Variants in PRORP observed in about 807,000 individuals in gnomAD.
PRORP encodes the protein mitochondrial ribonuclease P catalytic subunit.
A neutral mutation model predicts 59.4 loss-of-function variants in PRORP; 51 were observed. The ratio of observed to expected loss-of-function variants is 0.86; its 90% CI spans 0.69 to 1.08. PRORP has a LOEUF of 1.08. PRORP is among the 50% of genes least tolerant of loss of function. The probability of loss-of-function intolerance (pLI) is 0.00; values close to 1 mark genes in which losing one functional copy is unlikely to be tolerated. For missense variants in PRORP, 646 were observed against 690.3 expected, an observed-to-expected ratio of 0.94 and a Z score of 0.72; for synonymous variants, 231 against 245.6, an observed-to-expected ratio of 0.94 and a Z score of 0.55.
At chr14:35,230,938 A>AACACAC (rs60270535) in intron 5 of PRORP, among the ~76,000 whole-genome samples, 11,057 of 144,456 alleles carry the variant, frequency 0.077, 449 homozygotes, top group East Asian at 0.16. Context: ...AGGAAAAGAG[A>AACACAC]ACACACACAC....
chr14:35,183,936 A>G (rs184939611), intron 5 of PRORP, among the ~76,000 whole-genome samples: 2 of 152,268 alleles, frequency 1.3e-5, no homozygotes, highest in East Asian at 3.9e-4. Flanking sequence ...TCTTAATACA[A>G]TTACCTATAA....
At chr14:35,133,361 A>AT (rs57914487) in intron 4 of PRORP, among the ~76,000 whole-genome samples, 22,771 of 151,360 alleles carry the variant, frequency 0.15, 1,896 homozygotes, top group African/African-American at 0.22. Flanking sequence ...ATTCTTTTTA[A>AT]TTTTTTTTCA....
At chr14:35,273,296 G>T in intron 7 of PRORP, 139 bp from the exon 8 acceptor site, 6 of 791,330 alleles carry the variant, frequency 7.6e-6, no homozygotes, top group Non-Finnish European at 1.1e-5. Context: ...GTTTGCTGCT[G>T]TTTGAAAATC....
intron 5 of PRORP, among the ~76,000 whole-genome samples, chr14:35,191,494 G>C (rs1166030152): frequency 6.6e-6 from 1 of 152,100 alleles, no homozygotes; most frequent in African/African-American, 2.4e-5. Flanking sequence ...TTGAGCCCAG[G>C]AGTACGAGAC....
intron 5 of PRORP, among the ~76,000 whole-genome samples, chr14:35,221,911 A>G (rs1032020840): frequency 2.6e-5 from 4 of 152,154 alleles, no homozygotes; most frequent in Admixed American, 1.3e-4. Context: ...GTATCTGAGG[A>G]CAAAATTTAT....
intron 4 of PRORP, among the ~76,000 whole-genome samples, chr14:35,168,450 A>AT (rs2048237809): frequency 3.9e-5 from 6 of 152,150 alleles, no homozygotes; most frequent in Non-Finnish European, 5.9e-5. Context: ...TTGCTAGTTG[A>AT]TACTCAGGTT....
intron 7 of PRORP, among the ~76,000 whole-genome samples, chr14:35,272,368 T>C (rs1213601343): frequency 6.6e-6 from 1 of 152,146 alleles, no homozygotes; most frequent in Admixed American, 6.6e-5. Context: ...ATCCCAGCAC[T>C]TTGGGAGGCC....
chr14:35,183,975 G>A (rs929763583), intron 5 of PRORP, among the ~76,000 whole-genome samples: 2 of 152,208 alleles, frequency 1.3e-5, no homozygotes, highest in African/African-American at 2.4e-5. Flanking sequence ...TTAGGAATTC[G>A]AAGTTCTATA....
chr14:35,213,757 C>T (rs754710516), intron 5 of PRORP, among the ~76,000 whole-genome samples: 1 of 152,136 alleles, frequency 6.6e-6, no homozygotes, highest in Non-Finnish European at 1.5e-5. Context: ...CTCCATCTTA[C>T]GTGAGTGTGG....
intron 5 of PRORP, among the ~76,000 whole-genome samples, chr14:35,198,254 A>G (rs2049055904): frequency 6.6e-6 from 1 of 152,254 alleles, no homozygotes; most frequent in Non-Finnish European, 1.5e-5. Flanking sequence ...CATTATTCCT[A>G]ATATTGAAAC....
chr14:35,154,700 CAAA>C (rs138725314), intron 4 of PRORP, among the ~76,000 whole-genome samples: 5 of 124,872 alleles, frequency 4.0e-5, no homozygotes, highest in African/African-American at 5.7e-5. Context: ...AATGAATTGC[CAAA>C]AAAAAAAAAA....
chr14:35,137,771 G>A lies in PRORP; in HGVS notation c.1167+10160G>A, dbSNP rs2047405667. On this transcript the variant is annotated intron_variant, in intron 4 of 7. Coordinates refer to ENST00000534898, the MANE Select transcript of PRORP (RefSeq NM_014672.4). Reference sequence around the variant, plus strand: ...TGTTGGTTAGATGTGGCACATGATAGAGAGCAAGAGAAGGCGATTCTGACA... The same window carrying A: ...TGTTGGTTAGATGTGGCACATGATAAAGAGCAAGAGAAGGCGATTCTGACA... 1.4e-5 allele frequency among the ~76,000 whole-genome samples: 2 copies of A among 145,256 alleles called. 1 individual carries two copies. Among genetic ancestry groups the A allele is most frequent in the African/African-American group, 4.9e-5 (2 of 40,924 alleles).
chr14:35,220,970 G>T (rs544540026), intron 5 of PRORP, among the ~76,000 whole-genome samples: 1 of 152,318 alleles, frequency 6.6e-6, no homozygotes, highest in African/African-American at 2.4e-5. Context: ...TCCTAAGCCA[G>T]TGTTAAAGAC....
At chr14:35,246,808 C>A (rs1337593911) in intron 5 of PRORP, among the ~76,000 whole-genome samples, 1 of 152,160 alleles carries the variant, frequency 6.6e-6, no homozygotes, top group African/African-American at 2.4e-5. Context: ...AAAAGAAACT[C>A]TTTTTTCTCT....
intron 5 of PRORP, among the ~76,000 whole-genome samples, chr14:35,189,132 C>A (rs1195044636): frequency 6.6e-6 from 1 of 152,054 alleles, no homozygotes; most frequent in Non-Finnish European, 1.5e-5. Flanking sequence ...AGGGGACTAA[C>A]CTTCACCCTA....
At position 35,137,858 on chromosome 14, in the gene PRORP, G is replaced by A. The variant is rs368330596; in HGVS notation, c.1167+10247G>A. Among the ~76,000 whole-genome samples, 7 of 145,460 alleles carry A rather than the reference G, an allele frequency of 4.8e-5. 1 individual carries two copies. The highest frequency in any genetic ancestry group is 2.2e-4 in the South Asian group (1 of 4,454). Reference sequence around the variant, plus strand: ...ATAGGAAAGGGAGGAAGGCCAAAGAGCACTATATGAGAGGATTCCAGGGAC... The same window carrying A: ...ATAGGAAAGGGAGGAAGGCCAAAGAACACTATATGAGAGGATTCCAGGGAC... On this transcript the variant is annotated intron_variant, in intron 4 of 7. Coordinates refer to ENST00000534898, the MANE Select transcript of PRORP (RefSeq NM_014672.4).
intron 5 of PRORP, among the ~76,000 whole-genome samples, chr14:35,194,470 A>G (rs1242793357): frequency 6.6e-6 from 1 of 152,144 alleles, no homozygotes; most frequent in African/African-American, 2.4e-5. Flanking sequence ...ACTCATAAGT[A>G]CAAGATGAAC....
intron 6 of PRORP, among the ~76,000 whole-genome samples, chr14:35,268,292 C>T (rs1289525528): frequency 1.4e-5 from 2 of 143,362 alleles, no homozygotes; most frequent in African/African-American, 5.5e-5. Flanking sequence ...TTGCAGTGAG[C>T]CAAGATCGTG....
At chr14:35,213,460 A>C (rs2049504606) in intron 5 of PRORP, among the ~76,000 whole-genome samples, 1 of 152,022 alleles carries the variant, frequency 6.6e-6, no homozygotes, top group South Asian at 2.1e-4. Context: ...AAGGAAAAAA[A>C]CCTTTTTCTT....
Sources: gnomAD v4.1 joint callset for allele counts (sites outside exome capture counted in the v4.1 genomes callset) on GRCh38, gnomAD v4.1.1 for gene constraint, MANE v1.5 for transcripts, NCBI Gene and HGNC (gene_info 2026-07-23, HGNC 2026-07-21) for gene names.